The following IFT80 variants were observed in gnomAD, a reference collection of about 807,000 sequenced individuals.
IFT80 encodes intraflagellar transport protein 80 homolog.
IFT80 carries 79 observed loss-of-function variants against 107.9 expected under a neutral mutation model. The observed-to-expected ratio is 0.73, with a 90% CI of 0.61 to 0.88. IFT80 has a LOEUF of 0.88. Among genes scored for constraint, IFT80 ranks in the 40% least tolerant of loss-of-function variants. The pLI is 0.00. For missense variants in IFT80, 797 were observed against 914.2 expected (o/e 0.87, Z 1.65); for synonymous variants, 299 against 300.9 (o/e 0.99, Z 0.07).
chr3:160,327,114 A>T (rs1718728287), intron 8 of IFT80, among the ~76,000 whole-genome samples: 1 of 152,198 alleles, frequency 6.6e-6, no homozygotes, highest in African/African-American at 2.4e-5. Context: ...AATACAGCTA[A>T]CAAGGGAAGT....
In IFT80 at chr3:160,300,960, C is replaced by T. The variant is rs1426328226; in HGVS notation, c.1238G>A (p.Arg413Lys). ...FISSPKFPGM[R>K]TDILNAQTVS... ...AGTCTGTGCATTCAGAATATCTGTT[C>T]TCATTCCAGGAAATTTTGGAGATGA... The change falls in exon 12 of 20, where the codon AGA (arginine) becomes AAA (lysine). Residue 413 changes from arginine to lysine, a missense_variant. Arg to Lys is a conservative substitution (Grantham distance 26). Coordinates refer to ENST00000326448, the MANE Select transcript of IFT80 (RefSeq NM_020800.3). 1.2e-6 allele frequency: 2 copies of T among 1,611,018 alleles called. No individual in the cohort carries two copies. Among genetic ancestry groups the T allele is most frequent in the Non-Finnish European group, 1.7e-6 (2 of 1,178,294 alleles).
chr3:160,336,928 C>G (rs1719521958), intron 8 of IFT80, among the ~76,000 whole-genome samples: 1 of 152,120 alleles, frequency 6.6e-6, no homozygotes, highest in Admixed American at 6.6e-5. Context: ...TCTATTTGTT[C>G]TCCACTATAA....
chr3:160,280,841 C>T (rs1320621134), intron 14 of IFT80, 27 bp from the exon 15 acceptor site: 4 of 1,596,602 alleles, frequency 2.5e-6, no homozygotes, highest in Non-Finnish European at 3.4e-6. Context: ...TGTTAATGTG[C>T]TATTAGCTTT....
intron 6 of IFT80, among the ~76,000 whole-genome samples, chr3:160,360,613 CG>C (rs1379747414): frequency 1.3e-5 from 2 of 152,110 alleles, no homozygotes; most frequent in African/African-American, 2.4e-5. Flanking sequence ...AAAGAAAGAT[CG>C]GGTTACCCAC....
Position 160,322,763 on chromosome 3 carries a change from GA to G in IFT80, c.778-2825del, listed in dbSNP as rs558061859. On this transcript the variant is annotated intron_variant, in intron 8 of 19. Transcript: ENST00000326448. ...TGAGATGGTATCTCATTGTGCTTTT[GA>G]TTTGCATTTCTCTGATGGCCAGTGA... Among the ~76,000 whole-genome samples the G allele has an allele frequency of 4.5e-3, 683 of 152,258 alleles. 6 individuals are homozygous for G. The highest frequency in any genetic ancestry group is 0.016 in the African/African-American group (660 of 41,554).
intron 19 of IFT80, among the ~76,000 whole-genome samples, chr3:160,265,063 T>C (rs1357760348): frequency 6.6e-6 from 1 of 152,106 alleles, no homozygotes; most frequent in Non-Finnish European, 1.5e-5. Flanking sequence ...TCAAGGCAAT[T>C]ATCACAATTG....
intron 4 of IFT80, among the ~76,000 whole-genome samples, chr3:160,377,182 T>G (rs543785527): frequency 6.6e-6 from 1 of 152,292 alleles, no homozygotes; most frequent in Non-Finnish European, 1.5e-5. Context: ...GAATTACAAC[T>G]TTTATTTATT....
chr3:160,389,960 G>T (rs1057055141), intron 1 of IFT80, among the ~76,000 whole-genome samples: 1 of 152,152 alleles, frequency 6.6e-6, no homozygotes, highest in Non-Finnish European at 1.5e-5. Flanking sequence ...GTGTAAAAGT[G>T]TTCCTATTTC....
chr3:160,342,905 AT>A (rs1450157288), intron 8 of IFT80: 1 of 152,722 alleles, frequency 6.5e-6, no homozygotes, highest in African/African-American at 2.4e-5. Flanking sequence ...TGGAAAGATA[AT>A]TTGGGCCCAT....
Position 160,302,061 on chromosome 3 carries a change from G to A in IFT80, c.1152-1015C>T, listed in dbSNP as rs543698772. Among the ~76,000 whole-genome samples the A allele has an allele frequency of 1.2e-4, 18 of 152,088 alleles. No individual in the cohort carries two copies. In the South Asian group the frequency reaches 3.5e-3, roughly 30 times the overall value. ...ATCTTGTTTTATTGCCCTTTGAAAA[G>A]TTGTATTGATTTACACACATACTAT... On this transcript the variant is annotated intron_variant, in intron 11 of 19. Coordinates refer to ENST00000326448, the MANE Select transcript of IFT80 (RefSeq NM_020800.3).
Position 160,375,704 on chromosome 3 carries a change from A to G in IFT80, c.439+108T>C. 2 of 752,518 alleles carry G rather than the reference A, an allele frequency of 2.7e-6. 1 individual carries two copies. The highest frequency in any genetic ancestry group is 4.7e-6 in the Non-Finnish European group (2 of 428,778). 46.6% of individuals were successfully genotyped at this position (752,518 alleles called of 1,614,324 possible). A position where few individuals can be genotyped will look rare whatever the true frequency, so the allele number is the denominator to read the frequency against. On this transcript the variant is annotated intron_variant, in intron 5 of 19. Coordinates refer to ENST00000326448, the MANE Select transcript of IFT80 (RefSeq NM_020800.3). ...ATAAGAGATTACTGTTTTGAACTCA[A>G]CCAAAGTCAGTCTCAACCACCGTAT...
intron 11 of IFT80, among the ~76,000 whole-genome samples, chr3:160,302,435 T>C (rs1716501710): frequency 1.3e-5 from 2 of 152,186 alleles, no homozygotes; most frequent in South Asian, 4.1e-4. Flanking sequence ...TATTAGTATA[T>C]ATTCCTTTGT....
intron 18 of IFT80, among the ~76,000 whole-genome samples, chr3:160,269,902 A>G (rs1322285123): frequency 3.3e-5 from 5 of 152,262 alleles, no homozygotes; most frequent in Non-Finnish European, 5.9e-5. Context: ...GCCAACTATT[A>G]TAAGTCTGTT....
At chr3:160,263,685 A>T (rs984963961) in intron 19 of IFT80, among the ~76,000 whole-genome samples, 11 of 151,816 alleles carry the variant, frequency 7.2e-5, no homozygotes, top group African/African-American at 2.7e-4. Context: ...TTTTTATTTT[A>T]TTTTTTGTGG....
chr3:160,306,338 A>G (rs1440610306), intron 10 of IFT80, among the ~76,000 whole-genome samples: 1 of 152,208 alleles, frequency 6.6e-6, no homozygotes, highest in East Asian at 1.9e-4. Flanking sequence ...TATAACTAGT[A>G]GAATAATGGG....
At chr3:160,333,419 A>G (rs920446988) in intron 8 of IFT80, among the ~76,000 whole-genome samples, 1 of 152,208 alleles carries the variant, frequency 6.6e-6, no homozygotes, top group Non-Finnish European at 1.5e-5. Context: ...TTAATTTTTT[A>G]AACTTTTTGA....
At chr3:160,275,703 G>C (rs1007602629) in intron 18 of IFT80, among the ~76,000 whole-genome samples, 2 of 151,904 alleles carry the variant, frequency 1.3e-5, no homozygotes, top group African/African-American at 4.8e-5. Flanking sequence ...TAGTGTCTAC[G>C]ATTTCAACAT....
At chr3:160,364,593 G>A (rs1256010600) in intron 6 of IFT80, among the ~76,000 whole-genome samples, 1 of 152,120 alleles carries the variant, frequency 6.6e-6, no homozygotes, top group Non-Finnish European at 1.5e-5. Flanking sequence ...CAAAGACTTG[G>A]AACCAATACA....
intron 14 of IFT80, among the ~76,000 whole-genome samples, chr3:160,281,288 T>C (rs922474888): frequency 3.7e-4 from 57 of 152,208 alleles, no homozygotes; most frequent in African/African-American, 1.4e-3. Flanking sequence ...CACCCTGCCC[T>C]GACAGCTAGC....
Sources: gnomAD v4.1 joint callset for allele counts (sites outside exome capture counted in the v4.1 genomes callset) on GRCh38, gnomAD v4.1.1 for gene constraint, MANE v1.5 for transcripts, NCBI Gene and HGNC (gene_info 2026-07-23, HGNC 2026-07-21) for gene names.